Variants in PDPR observed in about 807,000 individuals in gnomAD.
PDPR encodes pyruvate dehydrogenase phosphatase regulatory subunit, also known as pyruvate dehydrogenase phosphatase regulatory subunit, mitochondrial.
In PDPR, 50 loss-of-function variants were observed where a neutral mutation model predicts 102.2. The observed-to-expected ratio is 0.49, with a 90% confidence interval of 0.39 to 0.62. The LOEUF is 0.62. PDPR is among the 20% of genes least tolerant of loss of function. The probability of loss-of-function intolerance (pLI) is 0.00; values close to 1 mark genes in which losing one functional copy is unlikely to be tolerated. For missense variants in PDPR, 625 were observed against 1,098.2 expected (o/e 0.57, Z 6.09); for synonymous variants, 259 against 406.0 (o/e 0.64, Z 4.35).
At chr16:70,153,320 G>A (rs1203407908) in intron 17 of PDPR, 71 bp from the exon 18 acceptor site, 1 of 1,466,224 alleles carries the variant, frequency 6.8e-7, no homozygotes, top group South Asian at 1.3e-5. Flanking sequence ...TGAGCCATCA[G>A]CGCTTCCAGA....
chr16:70,153,606 A>G (rs1335009772), intron 18 of PDPR, 33 bp downstream of exon 18: 2 of 1,555,382 alleles, frequency 1.3e-6, no homozygotes, highest in Non-Finnish European at 1.7e-6. Context: ...ACTTTCACTC[A>G]GCATCCCGAG....
chr16:70,140,551 G>A (rs1399616328), intron 11 of PDPR, among the ~76,000 whole-genome samples: 2 of 152,190 alleles, frequency 1.3e-5, no homozygotes, highest in Admixed American at 1.3e-4. Flanking sequence ...AGGCGCAGTG[G>A]CTCAAGCCTG....
intron 17 of PDPR, 23 bp downstream of exon 17, chr16:70,148,576 C>G (rs767837302): frequency 4.4e-6 from 7 of 1,582,480 alleles, no homozygotes; most frequent in Non-Finnish European, 6.1e-6. Context: ...CCTTCCCTTC[C>G]CTTCCCTTCA....
chr16:70,136,340 G>C lies in PDPR; in HGVS notation c.1144G>C (p.Ala382Pro). The C allele has an allele frequency of 1.2e-6, 2 of 1,613,244 alleles. No homozygotes were observed. The highest frequency in any genetic ancestry group is 4.5e-5 in the East Asian group (2 of 44,878). ...TGCAGTGCAGGGCTACTTTGTCCTGGCAGGAATGAACTCTGCTGGCCTTTC... is the reference window on the plus strand; with the variant it reads ...TGCAGTGCAGGGCTACTTTGTCCTGCCAGGAATGAACTCTGCTGGCCTTTC... Reference protein sequence around the residue: ...SPAVQGYFVLAGMNSAGLSFG... With the variant: ...SPAVQGYFVLPGMNSAGLSFG... Residue 382 changes from alanine to proline, a missense_variant, in exon 10 of 19, where the codon GCA (alanine) becomes CCA (proline). Coordinates refer to ENST00000288050, the MANE Select transcript of PDPR (RefSeq NM_017990.5).
intron 9 of PDPR, among the ~76,000 whole-genome samples, 170 bp from the exon 10 acceptor site, chr16:70,136,024 G>A (rs373122813): frequency 1.0e-3 from 151 of 150,566 alleles, no homozygotes; most frequent in African/African-American, 3.4e-3. Context: ...AGCCGAGATC[G>A]TGCCACCACA....
rs1597392135 is a variant in PDPR at position 70,158,248 on chromosome 16, C to T, written c.*1369C>T. Reference sequence around the variant, plus strand: ...GGACTGTTGTCCAGCCTCAATGCTTCATTTTCCCCTTGCATATCAACTGCC... The same window carrying T: ...GGACTGTTGTCCAGCCTCAATGCTTTATTTTCCCCTTGCATATCAACTGCC... On this transcript the variant is annotated 3_prime_UTR_variant, in exon 19 of 19. Transcript: ENST00000288050. 6.6e-6 allele frequency: 1 copy of T among 152,600 alleles called. No individual in the cohort carries two copies. Among genetic ancestry groups the T allele is most frequent in the East Asian group, 1.9e-4 (1 of 5,190 alleles). 9.5% of individuals were successfully genotyped at this position (152,600 alleles called of 1,614,324 possible). A position where few individuals can be genotyped will look rare whatever the true frequency, so the allele number is the denominator to read the frequency against.
At chr16:70,146,787 G>A (rs1309517714) in intron 16 of PDPR, among the ~76,000 whole-genome samples, 2 of 40,886 alleles carry the variant, frequency 4.9e-5, no homozygotes, top group Non-Finnish European at 9.6e-5. Context: ...AGAATGACTT[G>A]AACCTGGGAG....
rs756775814 is a variant in PDPR at position 70,130,588 on chromosome 16, C to G, written c.729+44C>G. On this transcript the variant is annotated intron_variant, in intron 7 of 18. Coordinates refer to ENST00000288050, the MANE Select transcript of PDPR (RefSeq NM_017990.5). ...TGCTGTTCTTATTTAACGTTTGTCT[C>G]CAAGATTTTTTTGGTGTAGAGAAGT... 1.9e-6 allele frequency: 3 copies of G among 1,611,052 alleles called. No individual in the cohort carries two copies. In the Admixed American group the frequency reaches 5.1e-5, roughly 27 times the overall value.
intron 9 of PDPR, among the ~76,000 whole-genome samples, chr16:70,133,804 G>T (rs1964811367): frequency 6.6e-6 from 1 of 152,058 alleles, no homozygotes; most frequent in Non-Finnish European, 1.5e-5. Context: ...TGCGATCTCG[G>T]CTCACCGCAA....
chr16:70,130,924 T>C (rs1365106226), intron 7 of PDPR, among the ~76,000 whole-genome samples: 2 of 152,298 alleles, frequency 1.3e-5, no homozygotes, highest in African/African-American at 4.8e-5. Context: ...TTAAAGCAGA[T>C]TGGCTCTTGC....
chr16:70,137,330 T>G (rs1278027354), intron 10 of PDPR, among the ~76,000 whole-genome samples: 3 of 152,222 alleles, frequency 2.0e-5, no homozygotes, highest in Admixed American at 6.5e-5. Flanking sequence ...CACTCCAGCC[T>G]GGGCAACAGA....
In PDPR at chr16:70,142,698, G is replaced by A. The variant is rs776588267; in HGVS notation, c.1605+12G>A. Reference sequence around the variant, plus strand: ...AGTTTGAGATAACAGTAAGTATTTGGGAACCAAAAAGTAATAGATTAGGAA... The same window carrying A: ...AGTTTGAGATAACAGTAAGTATTTGAGAACCAAAAAGTAATAGATTAGGAA... On this transcript the variant is annotated intron_variant, in intron 13 of 18. Transcript: ENST00000288050. 2 of 1,613,912 alleles carry A rather than the reference G, an allele frequency of 1.2e-6. No individual in the cohort carries two copies. Among genetic ancestry groups the A allele is most frequent in the African/African-American group, 2.7e-5 (2 of 75,076 alleles).
chr16:70,126,691 T>C (rs1299552851), intron 3 of PDPR, among the ~76,000 whole-genome samples: 1 of 152,270 alleles, frequency 6.6e-6, no homozygotes, highest in Non-Finnish European at 1.5e-5. Context: ...TTTATTTTTA[T>C]TTTTATCTTT....
In PDPR at chr16:70,143,670, T is replaced by C. The variant is rs1965963384; in HGVS notation, c.1754+12T>C. 1 of 1,612,756 alleles carries C rather than the reference T, an allele frequency of 6.2e-7. No individual in the cohort carries two copies. Among genetic ancestry groups the C allele is most frequent in the Non-Finnish European group, 8.5e-7 (1 of 1,179,122 alleles). On this transcript the variant is annotated intron_variant, in intron 14 of 18. Coordinates refer to ENST00000288050, the MANE Select transcript of PDPR (RefSeq NM_017990.5). ...CTGAACAAGCGCAGGTGAGATGAGC[T>C]GCCGTCCCGCTCTGCTCCCTCCAAC...
At chr16:70,155,645 C>T (rs1324463852) in intron 18 of PDPR, among the ~76,000 whole-genome samples, 3 of 152,264 alleles carry the variant, frequency 2.0e-5, no homozygotes, top group Non-Finnish European at 4.4e-5. Context: ...CCGCCTTAGC[C>T]TCCCAAAGTG....
chr16:70,162,418 C>A lies in PDPR; in HGVS notation c.*5539C>A. On this transcript the variant is annotated 3_prime_UTR_variant, in exon 19 of 19. Coordinates refer to ENST00000288050, the MANE Select transcript of PDPR (RefSeq NM_017990.5). ...GGGTGCACAGGGTGACCGAGCATTT[C>A]TGCCCCTGTGAATGTGGCACTAACA... 6.6e-6 allele frequency: 1 copy of A among 152,588 alleles called. No individual in the cohort carries two copies. 9.5% of individuals were successfully genotyped at this position (152,588 alleles called of 1,614,324 possible). A position where few individuals can be genotyped will look rare whatever the true frequency, so the allele number is the denominator to read the frequency against.
intron 3 of PDPR, among the ~76,000 whole-genome samples, chr16:70,125,694 G>A (rs113961105): frequency 4.5e-3 from 686 of 151,612 alleles, no homozygotes; most frequent in Middle Eastern, 0.014. Context: ...TAGTGCAGTG[G>A]TGCAGCCTCA....
intron 16 of PDPR, among the ~76,000 whole-genome samples, chr16:70,148,133 C>T (rs1215911112): frequency 6.6e-6 from 1 of 152,234 alleles, no homozygotes; most frequent in South Asian, 2.1e-4. Context: ...GCCTTGTCCT[C>T]ATTGTGCCTG....
At chr16:70,156,120 C>G (rs1400836565) in intron 18 of PDPR, among the ~76,000 whole-genome samples, 1 of 152,386 alleles carries the variant, frequency 6.6e-6, no homozygotes, top group African/African-American at 2.4e-5. Flanking sequence ...GCCACCACGA[C>G]TGGCCAATAT....
Sources: gnomAD v4.1 joint callset for allele counts (sites outside exome capture counted in the v4.1 genomes callset) on GRCh38, gnomAD v4.1.1 for gene constraint, MANE v1.5 for transcripts, NCBI Gene and HGNC (gene_info 2026-07-23, HGNC 2026-07-21) for gene names.